The following ASTN2 variants were observed in gnomAD, a reference collection of about 807,000 sequenced individuals.
The protein encoded by ASTN2 is astrotactin-2.
A neutral mutation model predicts 139.8 loss-of-function variants in ASTN2; 54 were observed. That is an observed-to-expected ratio of 0.39 (90% CI 0.31 to 0.48). ASTN2 has a LOEUF of 0.48. Ranked by LOEUF, ASTN2 falls within the 20% of genes least tolerant of loss-of-function variation. ASTN2 has a pLI of 0.95. For missense variants in ASTN2, 1,565 were observed against 1,725.1 expected (o/e 0.91, Z 1.64); for synonymous variants, 756 against 719.5 (o/e 1.05, Z -0.81).
intron 19 of ASTN2, among the ~76,000 whole-genome samples, chr9:116,552,361 C>T (rs1564110158): frequency 6.6e-6 from 1 of 152,158 alleles, no homozygotes; most frequent in Non-Finnish European, 1.5e-5. Context: ...TTTTCATACT[C>T]TTTTATTTAA....
In ASTN2 at chr9:117,098,776, G is replaced by GT. The variant is rs1393497627; in HGVS notation, c.1169-2626dup. 2.5e-5 allele frequency among the ~76,000 whole-genome samples: 3 copies of GT among 117,742 alleles called. No individual in the cohort carries two copies. The South Asian group carries it at 8.1e-4, about 32-fold the overall frequency. The allele number at this position is 117,742 out of a possible 152,430, so 77.2% of individuals were successfully genotyped here. ...AAAATTGCCATTAAAATATTTTACT[G>GT]TTAAAAAAAAAAAAAAGAAGAAGAA... On this transcript the variant is annotated intron_variant, in intron 4 of 22. Transcript: ENST00000313400.
chr9:116,754,637 G>A (rs949809810), intron 13 of ASTN2, among the ~76,000 whole-genome samples: 3 of 152,154 alleles, frequency 2.0e-5, no homozygotes, highest in East Asian at 1.9e-4. Context: ...GAGAGCCCAC[G>A]TGTCCTAGAG....
intron 5 of ASTN2, among the ~76,000 whole-genome samples, chr9:117,070,263 T>G (rs889859969): frequency 1.5e-5 from 2 of 130,714 alleles, no homozygotes; most frequent in African/African-American, 3.0e-5. Flanking sequence ...TCTCCTTCAC[T>G]TATGAAGCTT....
intron 10 of ASTN2, among the ~76,000 whole-genome samples, chr9:116,922,878 T>C (rs1415971057): frequency 6.6e-6 from 1 of 152,190 alleles, no homozygotes; most frequent in East Asian, 1.9e-4. Flanking sequence ...GATTTCTGCC[T>C]TTTTATTCTG....
chr9:117,256,731 T>C (rs1245500705), intron 2 of ASTN2, among the ~76,000 whole-genome samples: 4 of 152,212 alleles, frequency 2.6e-5, no homozygotes, highest in Admixed American at 2.6e-4. Context: ...CTTTATCCCA[T>C]GACTACTACA....
At position 117,156,112 on chromosome 9, in the gene ASTN2, A is replaced by G. The variant is rs146061835; in HGVS notation, c.1016-14634T>C. Among the ~76,000 whole-genome samples, 4 of 152,188 alleles carry G rather than the reference A, an allele frequency of 2.6e-5. No homozygotes were observed. The East Asian group carries it at 7.8e-4, about 30-fold the overall frequency. ...GCTGCCTTCAATTAAATGAAGGGCT[A>G]TAGTACTAGCACCACTTCTAATATT... On this transcript the variant is annotated intron_variant, in intron 3 of 22. Transcript: ENST00000313400.
At chr9:117,363,605 G>A (rs56322113) in intron 1 of ASTN2, among the ~76,000 whole-genome samples, 1,847 of 152,188 alleles carry the variant, frequency 0.012, 38 homozygotes, top group African/African-American at 0.042. Context: ...CAGATAGAGA[G>A]GACATTTTTG....
At chr9:116,508,037 T>C (rs1195399997) in intron 19 of ASTN2, among the ~76,000 whole-genome samples, 1 of 152,128 alleles carries the variant, frequency 6.6e-6, no homozygotes, top group African/African-American at 2.4e-5. Flanking sequence ...TAAAGGCATA[T>C]GCCACCATGC....
chr9:117,017,993 C>A (rs994407989), intron 6 of ASTN2, among the ~76,000 whole-genome samples: 1 of 150,450 alleles, frequency 6.6e-6, no homozygotes, highest in Non-Finnish European at 1.5e-5. Context: ...TCTCACTTAC[C>A]CAGGCTAGAC....
intron 19 of ASTN2, among the ~76,000 whole-genome samples, chr9:116,529,500 T>C (rs953677684): frequency 6.6e-6 from 1 of 152,178 alleles, no homozygotes; most frequent in South Asian, 2.1e-4. Flanking sequence ...GATGAGACTT[T>C]GGACTTGGAA....
At chr9:117,382,322 C>G (rs1830294956) in intron 1 of ASTN2, among the ~76,000 whole-genome samples, 1 of 152,128 alleles carries the variant, frequency 6.6e-6, no homozygotes, top group Non-Finnish European at 1.5e-5. Flanking sequence ...GGAGGGACAG[C>G]AGGTTTGGGA....
chr9:116,451,647 G>C (rs1848178665), intron 20 of ASTN2, among the ~76,000 whole-genome samples: 1 of 152,054 alleles, frequency 6.6e-6, no homozygotes, highest in Non-Finnish European at 1.5e-5. Flanking sequence ...GAGTTTAAAA[G>C]CTACTGTGAA....
intron 16 of ASTN2, among the ~76,000 whole-genome samples, chr9:116,724,366 G>A (rs1416098573): frequency 1.6e-4 from 25 of 152,176 alleles, no homozygotes; most frequent in South Asian, 1.2e-3. Context: ...AAACCACCCC[G>A]TGCCCCACAC....
At chr9:117,265,810 TAAAA>T (rs11290572) in intron 2 of ASTN2, among the ~76,000 whole-genome samples, 1 of 147,776 alleles carries the variant, frequency 6.8e-6, no homozygotes, top group Non-Finnish European at 1.5e-5. Context: ...AGCAAAATGG[TAAAA>T]AAAAAAAAAA....
At chr9:116,482,643 G>GGGAGC (rs1849208663) in intron 20 of ASTN2, among the ~76,000 whole-genome samples, 2 of 152,040 alleles carry the variant, frequency 1.3e-5, no homozygotes, top group African/African-American at 2.4e-5. Context: ...TGTGAAACTT[G>GGGAGC]CTGTCGGACT....
chr9:117,201,690 T>C (rs1047165852), intron 3 of ASTN2, among the ~76,000 whole-genome samples: 1 of 152,220 alleles, frequency 6.6e-6, no homozygotes, highest in African/African-American at 2.4e-5. Flanking sequence ...TTGATTGCAC[T>C]GTGGTGAGAG....
chr9:117,252,706 G>T (rs1286622376), intron 2 of ASTN2, among the ~76,000 whole-genome samples: 2 of 152,214 alleles, frequency 1.3e-5, no homozygotes, highest in Non-Finnish European at 2.9e-5. Flanking sequence ...AAATAAAGAA[G>T]CTGAAGCTCA....
intron 17 of ASTN2, among the ~76,000 whole-genome samples, chr9:116,639,237 G>A (rs1169238814): frequency 2.0e-5 from 3 of 152,150 alleles, no homozygotes. Flanking sequence ...CATGATCCAA[G>A]GAGAATCCAC....
At chr9:116,447,956 A>T (rs1384097290) in intron 20 of ASTN2, among the ~76,000 whole-genome samples, 1 of 152,176 alleles carries the variant, frequency 6.6e-6, no homozygotes, top group Non-Finnish European at 1.5e-5. Context: ...AGCAGGGGTG[A>T]GAGAATGAAA....
Sources: allele counts gnomAD v4.1 joint callset (sites outside exome capture counted in the v4.1 genomes callset), GRCh38; gene constraint gnomAD v4.1.1; transcripts MANE v1.5; gene names NCBI Gene and HGNC (gene_info 2026-07-23, HGNC 2026-07-21).